Variants in NRG3 observed in about 807,000 individuals in gnomAD.
NRG3 encodes the protein neuregulin 3.
In NRG3, 31 loss-of-function variants were observed where a neutral mutation model predicts 66.9. The observed-to-expected ratio is 0.46, with a 90% confidence interval of 0.35 to 0.63. The LOEUF (loss-of-function observed/expected upper bound fraction) is 0.63. NRG3 is among the 20% of genes least tolerant of loss of function. The pLI is 0.00. For missense variants in NRG3, 910 were observed against 878.9 expected, an observed-to-expected ratio of 1.04 and a Z score of -0.45; for synonymous variants, 393 against 359.4, an observed-to-expected ratio of 1.09 and a Z score of -1.06.
chr10:82,691,634 C>T (rs1297403442), intron 2 of NRG3, among the ~76,000 whole-genome samples: 2 of 152,172 alleles, frequency 1.3e-5, no homozygotes, highest in African/African-American at 4.8e-5. Context: ...AACGATCTCT[C>T]CATTTTATTC....
At chr10:82,136,817 C>G (rs944886632) in intron 1 of NRG3, among the ~76,000 whole-genome samples, 1 of 152,182 alleles carries the variant, frequency 6.6e-6, no homozygotes, top group African/African-American at 2.4e-5. Flanking sequence ...AGGCTGAATT[C>G]TGCCATGTTG....
At chr10:82,759,851 T>C (rs1014176144) in intron 3 of NRG3, among the ~76,000 whole-genome samples, 9 of 152,056 alleles carry the variant, frequency 5.9e-5, no homozygotes, top group Admixed American at 1.3e-4. Flanking sequence ...TACTAATCTA[T>C]TGATGAAATA....
At chr10:82,052,056 A>G (rs2063620984) in intron 1 of NRG3, among the ~76,000 whole-genome samples, 1 of 150,636 alleles carries the variant, frequency 6.6e-6, no homozygotes, top group African/African-American at 2.4e-5. Context: ...TGGTACGCTA[A>G]CAGCTCCTCA....
intron 2 of NRG3, among the ~76,000 whole-genome samples, chr10:82,720,487 G>C (rs1023220635): frequency 2.0e-5 from 3 of 152,064 alleles, no homozygotes; most frequent in African/African-American, 7.2e-5. Context: ...ATAAACATAA[G>C]TCTCCATTGT....
At chr10:82,282,249 C>CATTTATTTATTT (rs5786542) in intron 1 of NRG3, among the ~76,000 whole-genome samples, 3 of 148,444 alleles carry the variant, frequency 2.0e-5, no homozygotes, top group Admixed American at 6.8e-5. Context: ...GAAAACATTA[C>CATTTATTTATTT]ATTTATTTAT....
intron 1 of NRG3, among the ~76,000 whole-genome samples, chr10:81,902,754 A>G (rs1367740642): frequency 6.6e-6 from 1 of 152,218 alleles, no homozygotes; most frequent in East Asian, 1.9e-4. Context: ...ACAGGTAGCC[A>G]CAGGGTGCAG....
intron 2 of NRG3, among the ~76,000 whole-genome samples, chr10:82,617,866 G>A (rs927045897): frequency 7.9e-5 from 12 of 152,158 alleles, no homozygotes; most frequent in African/African-American, 2.9e-4. Context: ...CTAATGTGCT[G>A]TGAAGATTCC....
At chr10:82,188,840 T>A (rs150908893) in intron 1 of NRG3, among the ~76,000 whole-genome samples, 9 of 151,832 alleles carry the variant, frequency 5.9e-5, no homozygotes, top group African/African-American at 2.2e-4. Context: ...AGCAAATAGA[T>A]AGAATGAGTA....
At position 82,106,416 on chromosome 10, in the gene NRG3, C is replaced by G. The variant is rs568974711; in HGVS notation, c.823+230253C>G. Among the ~76,000 whole-genome samples, 11 of 152,290 alleles carry G rather than the reference C, an allele frequency of 7.2e-5. No individual in the cohort carries two copies. The South Asian group carries it at 2.3e-3, about 32-fold the overall frequency. On this transcript the variant is annotated intron_variant, in intron 1 of 8. Coordinates refer to ENST00000372141, the MANE Select transcript of NRG3 (RefSeq NM_001010848.4). ...TAAATACAAATCAGGCTTATAAACC[C>G]AGGATCCCTTTCAGAATCTCAATCA...
At chr10:82,638,034 A>G (rs955952864) in intron 2 of NRG3, among the ~76,000 whole-genome samples, 1 of 152,180 alleles carries the variant, frequency 6.6e-6, no homozygotes, top group Non-Finnish European at 1.5e-5. Flanking sequence ...TCCTTTCACT[A>G]TATTGGAAAC....
chr10:82,470,445 A>G (rs930100635), intron 2 of NRG3, among the ~76,000 whole-genome samples: 1 of 152,246 alleles, frequency 6.6e-6, no homozygotes, highest in Non-Finnish European at 1.5e-5. Context: ...ATAAGTACTC[A>G]ATAAAAGAGA....
At chr10:82,882,975 C>A (rs866436182) in intron 4 of NRG3, among the ~76,000 whole-genome samples, 8 of 152,266 alleles carry the variant, frequency 5.3e-5, no homozygotes, top group South Asian at 2.1e-4. Flanking sequence ...AATATTCATA[C>A]CTCTCTCACA....
chr10:82,728,966 G>A (rs2057753517), intron 2 of NRG3, among the ~76,000 whole-genome samples: 1 of 150,752 alleles, frequency 6.6e-6, no homozygotes, highest in Non-Finnish European at 1.5e-5. Context: ...CAAGGAATAA[G>A]GGCAGTGTTT....
intron 2 of NRG3, among the ~76,000 whole-genome samples, chr10:82,432,978 C>A (rs1212325778): frequency 6.6e-6 from 1 of 152,136 alleles, no homozygotes; most frequent in African/African-American, 2.4e-5. Flanking sequence ...GATATATACC[C>A]AGTAATGGGA....
chr10:82,470,607 A>C (rs111916944), intron 2 of NRG3, among the ~76,000 whole-genome samples: 211 of 152,350 alleles, frequency 1.4e-3, no homozygotes, highest in African/African-American at 4.9e-3. Flanking sequence ...AAAGCTGATA[A>C]GCTGGAGGCA....
At chr10:82,466,029 T>C (rs756631883) in intron 2 of NRG3, among the ~76,000 whole-genome samples, 2 of 152,058 alleles carry the variant, frequency 1.3e-5, no homozygotes, top group Non-Finnish European at 2.9e-5. Flanking sequence ...TAGATTGAGG[T>C]CCCAACCCTC....
chr10:81,930,768 T>C (rs543688882), intron 1 of NRG3, among the ~76,000 whole-genome samples: 2 of 152,156 alleles, frequency 1.3e-5, no homozygotes, highest in Non-Finnish European at 2.9e-5. Flanking sequence ...TGGTGCAGAC[T>C]GAGACATTAT....
At chr10:82,672,151 A>G (rs966896089) in intron 2 of NRG3, among the ~76,000 whole-genome samples, 1 of 152,198 alleles carries the variant, frequency 6.6e-6, no homozygotes, top group Non-Finnish European at 1.5e-5. Flanking sequence ...AGTGAAGACT[A>G]AGCTGAGCCA....
intron 2 of NRG3, among the ~76,000 whole-genome samples, chr10:82,408,652 CTTAT>C (rs935441664): frequency 2.8e-4 from 40 of 144,850 alleles, no homozygotes; most frequent in East Asian, 7.9e-4. Context: ...TATATATATT[CTTAT>C]TTATTTATTT....
Sources: gnomAD v4.1 joint callset for allele counts (sites outside exome capture counted in the v4.1 genomes callset) on GRCh38, gnomAD v4.1.1 for gene constraint, MANE v1.5 for transcripts, NCBI Gene and HGNC (gene_info 2026-07-23, HGNC 2026-07-21) for gene names.